NTM: variants seen among roughly 807,000 people sequenced by gnomAD.
The protein encoded by NTM is neurotrimin.
In NTM, 13 loss-of-function variants were observed where a neutral mutation model predicts 42.1. That is an observed-to-expected ratio of 0.31 (90% confidence interval 0.20 to 0.49). NTM has a LOEUF of 0.49. Ranked by LOEUF, NTM falls within the 20% of genes least tolerant of loss-of-function variation. NTM has a pLI of 0.99. For synonymous variants in NTM, 187 were observed against 179.2 expected, an observed-to-expected ratio of 1.04 and a Z score of -0.35; for missense variants, 373 against 452.8, an observed-to-expected ratio of 0.82 and a Z score of 1.60.
intron 1 of NTM, among the ~76,000 whole-genome samples, chr11:131,458,971 A>T (rs1215483030): frequency 6.6e-6 from 1 of 152,286 alleles, no homozygotes; most frequent in African/African-American, 2.4e-5. Flanking sequence ...GGGCAAAAAC[A>T]TGATTTCATT....
intron 3 of NTM, among the ~76,000 whole-genome samples, chr11:132,164,741 A>G (rs1353563077): frequency 6.6e-6 from 1 of 152,166 alleles, no homozygotes; most frequent in Non-Finnish European, 1.5e-5. Flanking sequence ...AGATGTGAAG[A>G]CATTCATAAT....
intron 1 of NTM, among the ~76,000 whole-genome samples, chr11:131,582,576 G>A (rs2058502889): frequency 6.9e-6 from 1 of 145,442 alleles, no homozygotes; most frequent in Non-Finnish European, 1.5e-5. Flanking sequence ...AACTCTAGAT[G>A]AGTCTCCATG....
intron 1 of NTM, among the ~76,000 whole-genome samples, chr11:131,580,800 C>G (rs2058339258): frequency 6.6e-6 from 1 of 152,130 alleles, no homozygotes; most frequent in South Asian, 2.1e-4. Context: ...GATTGCTCTC[C>G]TTGTAGAGAT....
chr11:131,957,390 G>A (rs909359950), intron 2 of NTM, among the ~76,000 whole-genome samples: 2 of 152,174 alleles, frequency 1.3e-5, no homozygotes, highest in African/African-American at 4.8e-5. Flanking sequence ...ATCCCAGAAA[G>A]CCAGTTCCCC....
In NTM at chr11:132,319,177, A is replaced by C. The variant is rs558196959; in HGVS notation, c.934+4474A>C. On this transcript the variant is annotated intron_variant, in intron 7 of 8. Coordinates refer to ENST00000683400, the MANE Select transcript of NTM (RefSeq NM_001352005.2). Reference sequence around the variant, plus strand: ...CCGAATAGGAACAGCTCCAGTCTACAGCTCCCAGTGTGAGCGACGCAAAAG... The same window carrying C: ...CCGAATAGGAACAGCTCCAGTCTACCGCTCCCAGTGTGAGCGACGCAAAAG... 3.3e-5 allele frequency among the ~76,000 whole-genome samples: 5 copies of C among 152,328 alleles called. No individual in the cohort carries two copies. The East Asian group carries it at 9.7e-4, about 29-fold the overall frequency.
chr11:132,083,105 A>G (rs1216899159), intron 2 of NTM, among the ~76,000 whole-genome samples: 1 of 152,188 alleles, frequency 6.6e-6, no homozygotes, highest in Non-Finnish European at 1.5e-5. Context: ...GAACTGGAAT[A>G]TTGATTCAGA....
intron 2 of NTM, among the ~76,000 whole-genome samples, chr11:132,032,728 T>C (rs61903517): frequency 0.032 from 4,826 of 152,294 alleles, 114 homozygotes; most frequent in South Asian, 0.14. Context: ...CTTTAAGATA[T>C]CTGATTCAAT....
chr11:131,897,285 G>GA (rs954959870), intron 1 of NTM, among the ~76,000 whole-genome samples: 1 of 151,970 alleles, frequency 6.6e-6, no homozygotes, highest in Non-Finnish European at 1.5e-5. Flanking sequence ...AGAGGGGAAA[G>GA]AAAAAAAGCA....
At chr11:131,864,653 CA>C (rs2046961250) in intron 1 of NTM, among the ~76,000 whole-genome samples, 2 of 152,118 alleles carry the variant, frequency 1.3e-5, no homozygotes, top group Admixed American at 6.5e-5. Context: ...AGACTGTTAG[CA>C]TTGAGGGAAT....
At chr11:131,731,913 A>G (rs902172888) in intron 1 of NTM, among the ~76,000 whole-genome samples, 2 of 152,128 alleles carry the variant, frequency 1.3e-5, no homozygotes, top group Non-Finnish European at 2.9e-5. Flanking sequence ...CTCTCCCCCA[A>G]GCCTCTATCT....
chr11:131,797,733 C>G (rs1390253336), intron 1 of NTM, among the ~76,000 whole-genome samples: 5 of 152,302 alleles, frequency 3.3e-5, no homozygotes, highest in Non-Finnish European at 5.9e-5. Context: ...TAGAAAATAA[C>G]AATTACTTTA....
chr11:131,441,095 T>C (rs1417747585), intron 1 of NTM, among the ~76,000 whole-genome samples: 1 of 152,192 alleles, frequency 6.6e-6, no homozygotes, highest in African/African-American at 2.4e-5. Context: ...GAAGTAGAAG[T>C]TAATCCAGTT....
chr11:131,914,982 G>A (rs920820777), intron 2 of NTM, among the ~76,000 whole-genome samples: 2 of 152,192 alleles, frequency 1.3e-5, no homozygotes, highest in Admixed American at 6.5e-5. Context: ...ATGCTTTGAT[G>A]AAGGTGGCAC....
At chr11:132,242,534 G>A (rs1215719267) in intron 4 of NTM, among the ~76,000 whole-genome samples, 1 of 152,218 alleles carries the variant, frequency 6.6e-6, no homozygotes, top group Non-Finnish European at 1.5e-5. Context: ...GTTATCAAAA[G>A]AGCAAAGAAA....
chr11:131,697,713 A>C (rs2075620686), intron 1 of NTM, among the ~76,000 whole-genome samples: 1 of 152,102 alleles, frequency 6.6e-6, no homozygotes, highest in Non-Finnish European at 1.5e-5. Context: ...CCTTTAATTT[A>C]TGTATTTGAT....
At position 132,318,527 on chromosome 11, in the gene NTM, C is replaced by T. The variant is rs112472516; in HGVS notation, c.934+3824C>T. Among the ~76,000 whole-genome samples, 100 of 152,280 alleles carry T rather than the reference C, an allele frequency of 6.6e-4. 1 individual carries two copies. The highest frequency in any genetic ancestry group is 2.2e-3 in the African/African-American group (92 of 41,536). On this transcript the variant is annotated intron_variant, in intron 7 of 8. Transcript: ENST00000683400. ...CCAGTCCTCCCCTGCAAATATCTCC[C>T]GCGTCTCTTGCCTGTCTTTGCACAT...
rs115923875 is a variant in NTM at position 131,855,200 on chromosome 11, G to A, written c.83-56364G>A. 6.6e-3 allele frequency among the ~76,000 whole-genome samples: 1,000 copies of A among 152,244 alleles called. 14 individuals carry two copies. The highest frequency in any genetic ancestry group is 0.022 in the African/African-American group (930 of 41,542). ...TAAGCGGAGGACTTTTTACCCAGCA[G>A]GTAGTACGTACAAGAAACTTGCTAC... On this transcript the variant is annotated intron_variant, in intron 1 of 8. Transcript: ENST00000683400.
chr11:131,823,913 G>A (rs1017108022), intron 1 of NTM, among the ~76,000 whole-genome samples: 15 of 152,182 alleles, frequency 9.9e-5, no homozygotes, highest in Non-Finnish European at 2.1e-4. Context: ...GAAAGCGCAT[G>A]GAATAGTTCC....
rs185204795 is a variant in NTM at position 132,335,302 on chromosome 11, G to T, written c.*156G>T. 221 of 776,918 alleles carry T rather than the reference G, an allele frequency of 2.8e-4. 2 individuals carry two copies. The Admixed American group carries it at 5.5e-3, about 19-fold the overall frequency. The allele number at this position is 776,918 out of a possible 1,614,324, so 48.1% of individuals were successfully genotyped here. Reference sequence around the variant, plus strand: ...CAGAAATTTGAGGGAGGGGAACAAAGAATACTTTGGGGGGAAAAAAGTTTT... The same window carrying T: ...CAGAAATTTGAGGGAGGGGAACAAATAATACTTTGGGGGGAAAAAAGTTTT... On this transcript the variant is annotated 3_prime_UTR_variant, in exon 9 of 9. Coordinates refer to ENST00000683400, the MANE Select transcript of NTM (RefSeq NM_001352005.2).
Sources: gnomAD v4.1 joint callset for allele counts (sites outside exome capture counted in the v4.1 genomes callset) on GRCh38, gnomAD v4.1.1 for gene constraint, MANE v1.5 for transcripts, NCBI Gene and HGNC (gene_info 2026-07-23, HGNC 2026-07-21) for gene names.